The following SULT1B1 variants were observed in gnomAD, a reference collection of about 807,000 sequenced individuals.
SULT1B1 encodes the protein sulfotransferase 1B1.
SULT1B1 carries 28 observed loss-of-function variants against 34.6 expected under a neutral mutation model. The ratio of observed to expected loss-of-function variants is 0.81; its 90% CI spans 0.60 to 1.11. The LOEUF is 1.11. SULT1B1 is among the 50% of genes least tolerant of loss of function. The pLI is 0.00. For missense variants in SULT1B1, 374 were observed against 352.2 expected (o/e 1.06, Z -0.50); for synonymous variants, 147 against 110.2 (o/e 1.33, Z -2.09).
At chr4:69,737,853 T>C (rs1303493546) in intron 4 of SULT1B1, among the ~76,000 whole-genome samples, 1 of 152,054 alleles carries the variant, frequency 6.6e-6, no homozygotes, top group East Asian at 1.9e-4. Context: ...GCCAATAATG[T>C]CTTTATTTAT....
chr4:69,744,522 G>A (rs72648443), intron 4 of SULT1B1, among the ~76,000 whole-genome samples: 17,085 of 152,222 alleles, frequency 0.11, 1,078 homozygotes, highest in Middle Eastern at 0.19. Context: ...CAGCCACTCT[G>A]GACTATAAAG....
At position 69,726,033 on chromosome 4, in the gene SULT1B1, C is replaced by CACAT. The variant is rs1717823586; in HGVS notation, c.*1054_*1055insATGT. On this transcript the variant is annotated 3_prime_UTR_variant, in exon 8 of 8. Transcript: ENST00000310613. ...ACTTAAAGTATAATAATAAAATGTA[C>CACAT]ATATATATATATATATATATATATA... The CACAT allele has an allele frequency of 3.4e-5, 1 of 29,160 alleles. No individual in the cohort carries two copies. Among genetic ancestry groups the CACAT allele is most frequent in the Non-Finnish European group, 8.3e-5 (1 of 12,042 alleles). 1.8% of individuals were successfully genotyped at this position (29,160 alleles called of 1,614,324 possible).
chr4:69,727,332 T>A (rs1717878956), intron 7 of SULT1B1, 132 bp from the exon 8 acceptor site: 4 of 539,046 alleles, frequency 7.4e-6, no homozygotes, highest in South Asian at 4.4e-5. Flanking sequence ...AAACAGTCTT[T>A]AAATTGTATT....
chr4:69,735,379 A>G (rs1454718801), intron 4 of SULT1B1, among the ~76,000 whole-genome samples: 1 of 152,250 alleles, frequency 6.6e-6, no homozygotes, highest in East Asian at 1.9e-4. Flanking sequence ...GAGGAAGCCC[A>G]ACAGAGACAT....
At chr4:69,754,584 G>T in intron 3 of SULT1B1, 86 bp downstream of exon 3, 1 of 1,336,164 alleles carries the variant, frequency 7.5e-7, no homozygotes, top group Non-Finnish European at 1.0e-6. Context: ...AATCTACTCC[G>T]GTTTCAGTGA....
At position 69,758,517 on chromosome 4, in the gene SULT1B1, C is replaced by G. The variant is rs1030650130; in HGVS notation, c.-45+1942G>C. On this transcript the variant is annotated intron_variant, in intron 1 of 7. Coordinates refer to ENST00000310613, the MANE Select transcript of SULT1B1 (RefSeq NM_014465.4). ...AAAGGGAAATATCAATGGCACACCTCATTTCAAAAATTGTCTATTCTGAAT... is the reference window on the plus strand; with the variant it reads ...AAAGGGAAATATCAATGGCACACCTGATTTCAAAAATTGTCTATTCTGAAT... The G allele has an allele frequency of 3.1e-6, 3 of 973,798 alleles. No individual in the cohort carries two copies. The Admixed American group carries it at 1.8e-4, about 60-fold the overall frequency. The allele number at this position is 973,798 out of a possible 1,614,324, so 60.3% of individuals were successfully genotyped here. A position where few individuals can be genotyped will look rare whatever the true frequency, so the allele number is the denominator to read the frequency against.
At chr4:69,749,011 A>C (rs868270739) in intron 4 of SULT1B1, among the ~76,000 whole-genome samples, 4 of 152,128 alleles carry the variant, frequency 2.6e-5, no homozygotes, top group African/African-American at 4.8e-5. Context: ...TAGAGAAAAA[A>C]AGCAGAAATC....
chr4:69,755,707 T>A (rs1029864714), intron 1 of SULT1B1, among the ~76,000 whole-genome samples: 2 of 152,198 alleles, frequency 1.3e-5, no homozygotes, highest in Non-Finnish European at 2.9e-5. Flanking sequence ...TTTCTTTCTT[T>A]ATCACTTATT....
At chr4:69,746,766 ACT>A in intron 4 of SULT1B1, among the ~76,000 whole-genome samples, 1 of 152,214 alleles carries the variant, frequency 6.6e-6, no homozygotes, top group East Asian at 1.9e-4. Flanking sequence ...GCAAAAAGAC[ACT>A]CTGGCTTTTA....
At chr4:69,729,861 T>C (rs1239754451) in intron 7 of SULT1B1, among the ~76,000 whole-genome samples, 2 of 152,148 alleles carry the variant, frequency 1.3e-5, no homozygotes, top group Non-Finnish European at 2.9e-5. Flanking sequence ...AAATGTATTG[T>C]TATTATTAAC....
chr4:69,728,801 G>T (rs1355298656), intron 7 of SULT1B1, among the ~76,000 whole-genome samples: 1 of 151,998 alleles, frequency 6.6e-6, no homozygotes, highest in African/African-American at 2.4e-5. Flanking sequence ...TGCCACAGGT[G>T]TTATTATATT....
chr4:69,760,325 A>G (rs562512117), intron 1 of SULT1B1, 134 bp downstream of exon 1: 25 of 526,856 alleles, frequency 4.7e-5, no homozygotes, highest in African/African-American at 4.3e-4. Context: ...AAAGTTTCCT[A>G]TAAGAAAATT....
chr4:69,740,249 A>C (rs1718491896), intron 4 of SULT1B1, among the ~76,000 whole-genome samples: 1 of 152,200 alleles, frequency 6.6e-6, no homozygotes, highest in Admixed American at 6.5e-5. Context: ...GAACTGCCTG[A>C]GAATGGATTA....
chr4:69,754,604 A>C, intron 3 of SULT1B1, 66 bp downstream of exon 3: 1 of 1,498,840 alleles, frequency 6.7e-7, no homozygotes, highest in South Asian at 1.3e-5. Context: ...AAAGTCACAC[A>C]TACAATAATG....
chr4:69,756,950 C>A (rs1424213857), intron 1 of SULT1B1, among the ~76,000 whole-genome samples: 1 of 143,708 alleles, frequency 7.0e-6, no homozygotes, highest in Non-Finnish European at 1.5e-5. Flanking sequence ...CATCTGAAAA[C>A]ACCCTCACAG....
In SULT1B1 at chr4:69,754,686, A is replaced by G. The variant is rs1363802274; in HGVS notation, c.261T>C (p.Pro87=). The change falls in exon 3 of 8, where the codon CCT becomes CCC. Residue 87 remains proline (P), a synonymous_variant. Coordinates refer to ENST00000310613, the MANE Select transcript of SULT1B1 (RefSeq NM_014465.4). The part of the protein sequence containing the change: ...EKVPMLEMTL[P]GLRTSGIEQL... ...TAAATTTACCTGATGTTCTTAATCCAGGGAGAGTCATTTCCAACATTGGAA... is the reference window on the plus strand; with the variant it reads ...TAAATTTACCTGATGTTCTTAATCCGGGGAGAGTCATTTCCAACATTGGAA... The G allele has an allele frequency of 6.2e-7, 1 of 1,613,222 alleles. No homozygotes were observed. The highest frequency in any genetic ancestry group is 8.5e-7 in the Non-Finnish European group (1 of 1,179,464).
chr4:69,749,922 A>G, intron 3 of SULT1B1, 104 bp from the exon 4 acceptor site: 3 of 750,904 alleles, frequency 4.0e-6, no homozygotes, highest in Admixed American at 4.1e-5. Context: ...GCATTATGTA[A>G]TGCAGATAAA....
At chr4:69,755,761 TG>T (rs747269639) in intron 1 of SULT1B1, among the ~76,000 whole-genome samples, 33 of 151,586 alleles carry the variant, frequency 2.2e-4, no homozygotes, top group Non-Finnish European at 4.0e-4. Context: ...GTTATTTTCA[TG>T]TGTGTGTGTG....
Position 69,725,544 on chromosome 4 carries a change from T to A in SULT1B1, c.*1544A>T, listed in dbSNP as rs531713328. 6.6e-5 allele frequency: 10 copies of A among 152,278 alleles called. No individual in the cohort carries two copies. The highest frequency in any genetic ancestry group is 2.4e-4 in the African/African-American group (10 of 41,560). The allele number at this position is 152,278 out of a possible 1,614,324, so 9.4% of individuals were successfully genotyped here. A position where few individuals can be genotyped will look rare whatever the true frequency, so the allele number is the denominator to read the frequency against. Reference sequence around the variant, plus strand: ...GGGTATATACCCAAAGGATTATAAATCATGCTGCTATAAAGACACATGCAC... The same window carrying A: ...GGGTATATACCCAAAGGATTATAAAACATGCTGCTATAAAGACACATGCAC... On this transcript the variant is annotated 3_prime_UTR_variant, in exon 8 of 8. Transcript: ENST00000310613.
Sources: allele counts gnomAD v4.1 joint callset (sites outside exome capture counted in the v4.1 genomes callset), GRCh38; gene constraint gnomAD v4.1.1; transcripts MANE v1.5; gene names NCBI Gene and HGNC (gene_info 2026-07-23, HGNC 2026-07-21).